CACNG2: variants seen among roughly 807,000 people sequenced by gnomAD.
CACNG2 encodes the protein voltage-dependent calcium channel gamma-2 subunit.
CACNG2 carries 3 observed loss-of-function variants against 25.9 expected under a neutral mutation model. The observed-to-expected ratio is 0.12, with a 90% CI of 0.05 to 0.30. The LOEUF (loss-of-function observed/expected upper bound fraction) is 0.30. Ranked by LOEUF, CACNG2 falls within the 10% of genes least tolerant of loss-of-function variation. The probability of loss-of-function intolerance (pLI) is 1.00; values close to 1 mark genes in which losing one functional copy is unlikely to be tolerated. For missense variants in CACNG2, 341 were observed against 432.5 expected (o/e 0.79, Z 1.88); for synonymous variants, 167 against 173.3 (o/e 0.96, Z 0.29).
chr22:36,582,402 C>CTT (rs1304757528), intron 2 of CACNG2, among the ~76,000 whole-genome samples: 1 of 136,228 alleles, frequency 7.3e-6, no homozygotes, highest in African/African-American at 2.7e-5. Context: ...TTTGCTCTTT[C>CTT]TTTCTTTCTT....
intron 1 of CACNG2, among the ~76,000 whole-genome samples, chr22:36,667,576 A>G (rs997970573): frequency 6.6e-6 from 1 of 152,158 alleles, no homozygotes; most frequent in African/African-American, 2.4e-5. Context: ...ATGACCTGTT[A>G]TTATTACAAA....
At chr22:36,694,044 A>G (rs1937300394) in intron 1 of CACNG2, among the ~76,000 whole-genome samples, 1 of 152,130 alleles carries the variant, frequency 6.6e-6, no homozygotes, top group South Asian at 2.1e-4. Flanking sequence ...CTCCTCAAGC[A>G]AGTTGCTGGT....
chr22:36,605,403 AC>A (rs1248356408), intron 1 of CACNG2, among the ~76,000 whole-genome samples: 3 of 152,166 alleles, frequency 2.0e-5, no homozygotes, highest in African/African-American at 7.2e-5. Flanking sequence ...GCACTAGGAA[AC>A]CAAAAAATTT....
intron 2 of CACNG2, among the ~76,000 whole-genome samples, chr22:36,585,828 G>A (rs1417549576): frequency 6.6e-6 from 1 of 152,200 alleles, no homozygotes; most frequent in African/African-American, 2.4e-5. Context: ...TATGCTCTAT[G>A]CTCTTCTTTC....
chr22:36,574,153 T>G (rs1935276848), intron 2 of CACNG2, among the ~76,000 whole-genome samples: 1 of 151,916 alleles, frequency 6.6e-6, no homozygotes, highest in South Asian at 2.1e-4. Flanking sequence ...TTAAAGGGCT[T>G]AGAACAGGCA....
chr22:36,652,255 T>A (rs979352179), intron 1 of CACNG2, among the ~76,000 whole-genome samples: 1 of 152,098 alleles, frequency 6.6e-6, no homozygotes. Context: ...TCCTTGTAAC[T>A]TGCTTCCCAG....
chr22:36,584,842 C>G (rs1401377633), intron 2 of CACNG2: 1 of 152,230 alleles, frequency 6.6e-6, no homozygotes, highest in Non-Finnish European at 1.5e-5. Flanking sequence ...TCACAGCCTC[C>G]CCTGCGGCAG....
Position 36,562,634 on chromosome 22 carries a change from C to T in CACNG2, c.*1717G>A, listed in dbSNP as rs894862228. The stretch of plus-strand genomic sequence containing the variant: ...AGTCAATTTCCTTTGAGCCACGCCC[C>T]TGGCCGTGTATGGGATGGAAGGGTT... On this transcript the variant is annotated 3_prime_UTR_variant, in exon 4 of 4. Coordinates refer to ENST00000300105, the MANE Select transcript of CACNG2 (RefSeq NM_006078.5). 1 of 152,338 alleles carries T rather than the reference C, an allele frequency of 6.6e-6. No homozygotes were observed. The highest frequency in any genetic ancestry group is 2.4e-5 in the African/African-American group (1 of 41,440). 9.4% of individuals were successfully genotyped at this position (152,338 alleles called of 1,614,324 possible).
chr22:36,607,410 C>T (rs968068104), intron 1 of CACNG2, among the ~76,000 whole-genome samples: 4 of 152,130 alleles, frequency 2.6e-5, no homozygotes, highest in Admixed American at 2.6e-4. Flanking sequence ...CACGCGCAAT[C>T]ATGCTCAGCT....
rs1935827277 is a variant in CACNG2, at chr22:36,606,039, T to C, written c.212-18491A>G. Among the ~76,000 whole-genome samples the C allele has an allele frequency of 6.6e-6, 1 of 152,206 alleles. No homozygotes were observed. Among genetic ancestry groups the C allele is most frequent in the Admixed American group, 6.5e-5 (1 of 15,278 alleles). ...CAGGAGAGCGTGGGTCTGAGTTCTC[T>C]TTCTGCCGTGTATTAACCATGTGCT... On this transcript the variant is annotated intron_variant, in intron 1 of 3. Transcript: ENST00000300105. This position sits in a 1 kb window ranked among gnomAD's most constrained non-coding sequence, Gnocchi z 5.7.
intron 1 of CACNG2, among the ~76,000 whole-genome samples, chr22:36,660,339 T>C (rs1936773788): frequency 6.6e-6 from 1 of 152,220 alleles, no homozygotes; most frequent in Non-Finnish European, 1.5e-5. Context: ...CCCGTGACCA[T>C]GGCTTCTGCG....
At chr22:36,626,391 T>C (rs1936183672) in intron 1 of CACNG2, among the ~76,000 whole-genome samples, 1 of 152,072 alleles carries the variant, frequency 6.6e-6, no homozygotes, top group South Asian at 2.1e-4. Context: ...GACTACTTCT[T>C]TTTTTTTCCT....
chr22:36,623,636 A>T (rs1038669432), intron 1 of CACNG2, among the ~76,000 whole-genome samples: 3 of 152,152 alleles, frequency 2.0e-5, no homozygotes, highest in Non-Finnish European at 4.4e-5. Flanking sequence ...AGAAAGACTG[A>T]GACTGAAAGA....
intron 1 of CACNG2, among the ~76,000 whole-genome samples, chr22:36,611,014 T>A (rs1281473735): frequency 6.6e-6 from 1 of 152,244 alleles, no homozygotes; most frequent in Admixed American, 6.5e-5. Flanking sequence ...AATGTGGTGT[T>A]GTGACACTCT....
chr22:36,656,814 G>A (rs554860977), intron 1 of CACNG2, among the ~76,000 whole-genome samples: 2 of 152,250 alleles, frequency 1.3e-5, no homozygotes, highest in Admixed American at 6.5e-5. Context: ...CCAGTGAGGC[G>A]TCCTAGACTT....
At position 36,658,824 on chromosome 22, in the gene CACNG2, C is replaced by A. The variant is rs8138176; in HGVS notation, c.211+43542G>T. Among the ~76,000 whole-genome samples, 3 of 151,712 alleles carry A rather than the reference C, an allele frequency of 2.0e-5. No homozygotes were observed. The East Asian group carries it at 5.8e-4, about 30-fold the overall frequency. ...GGTGTGGGGACAGGGCAAGAGTGTG[C>A]GGGGAAGGGACTCCTTAGGTTGGGT... On this transcript the variant is annotated intron_variant, in intron 1 of 3. Coordinates refer to ENST00000300105, the MANE Select transcript of CACNG2 (RefSeq NM_006078.5).
chr22:36,586,153 T>G (rs1935499271), intron 2 of CACNG2, among the ~76,000 whole-genome samples: 2 of 152,114 alleles, frequency 1.3e-5, no homozygotes, highest in Admixed American at 1.3e-4. Context: ...CCAAGGGCCC[T>G]CCCTGCCAGG....
At chr22:36,683,701 T>C (rs1469371542) in intron 1 of CACNG2, among the ~76,000 whole-genome samples, 1 of 152,134 alleles carries the variant, frequency 6.6e-6, no homozygotes, top group African/African-American at 2.4e-5. Context: ...AGAAATTCCT[T>C]CCCTGCTGGT....
intron 2 of CACNG2, among the ~76,000 whole-genome samples, chr22:36,577,573 C>A (rs777368047): frequency 6.7e-6 from 1 of 149,922 alleles, no homozygotes; most frequent in Non-Finnish European, 1.5e-5. Flanking sequence ...TCGCTTGAAC[C>A]GGGGAGGCGG....
Sources: allele counts gnomAD v4.1 joint callset (sites outside exome capture counted in the v4.1 genomes callset), GRCh38; gene constraint gnomAD v4.1.1; non-coding constraint Gnocchi (gnomAD v3.1); transcripts MANE v1.5; gene names NCBI Gene and HGNC (gene_info 2026-07-23, HGNC 2026-07-21).